The following HDAC9 variants were observed in gnomAD, a reference collection of about 807,000 sequenced individuals.
The protein encoded by HDAC9 is histone deacetylase 9.
In HDAC9, 41 loss-of-function variants were observed where a neutral mutation model predicts 139.4. The ratio of observed to expected loss-of-function variants is 0.29; its 90% CI spans 0.23 to 0.38. HDAC9 has a LOEUF of 0.38. Among genes scored for constraint, HDAC9 ranks in the 10% least tolerant of loss-of-function variants. The pLI is 1.00. For synonymous variants in HDAC9, 517 were observed against 476.2 expected, an observed-to-expected ratio of 1.09 and a Z score of -1.12; for missense variants, 1,147 against 1,297.0, an observed-to-expected ratio of 0.88 and a Z score of 1.78.
chr7:18,435,905 A>G (rs1193124667), intron 1 of HDAC9, among the ~76,000 whole-genome samples: 4 of 148,282 alleles, frequency 2.7e-5, no homozygotes, highest in Non-Finnish European at 6.0e-5. Context: ...ATATAATAAA[A>G]TATATAATAT....
intron 1 of HDAC9, among the ~76,000 whole-genome samples, chr7:18,356,358 GTTTTTTTTTT>G (rs5882659): frequency 2.0e-4 from 11 of 55,140 alleles, no homozygotes; most frequent in South Asian, 9.1e-4. Flanking sequence ...CAGCACATAG[GTTTTTTTTTT>G]TTTTTTTTTT....
chr7:18,521,504 A>G (rs571341945), intron 2 of HDAC9, among the ~76,000 whole-genome samples: 2 of 152,328 alleles, frequency 1.3e-5, no homozygotes, highest in African/African-American at 4.8e-5. Flanking sequence ...CATGAATAAA[A>G]TAAGCAAAAT....
At chr7:18,168,879 GTTTTTTT>G (rs112502543) in intron 2 of HDAC9, among the ~76,000 whole-genome samples, 24 of 80,882 alleles carry the variant, frequency 3.0e-4, no homozygotes, top group African/African-American at 9.6e-4. Context: ...CAAATGTCTT[GTTTTTTT>G]TTTTTTTTTT....
intron 2 of HDAC9, among the ~76,000 whole-genome samples, chr7:18,560,102 A>G (rs1216728052): frequency 6.6e-6 from 1 of 152,114 alleles, no homozygotes; most frequent in East Asian, 1.9e-4. Context: ...TATTTTTAAG[A>G]TTCTTATTTC....
At chr7:18,110,685 C>A (rs1783555015) in intron 1 of HDAC9, among the ~76,000 whole-genome samples, 1 of 152,056 alleles carries the variant, frequency 6.6e-6, no homozygotes, top group Admixed American at 6.6e-5. Flanking sequence ...CAGAGATGGC[C>A]ATAGTCACAA....
intron 2 of HDAC9, among the ~76,000 whole-genome samples, chr7:18,168,895 TTTTG>T (rs1200305154): frequency 1.7e-5 from 2 of 118,096 alleles, no homozygotes; most frequent in Admixed American, 8.7e-5. Flanking sequence ...TTTTTTTTTT[TTTTG>T]TGTGTGTGTG....
intron 1 of HDAC9, among the ~76,000 whole-genome samples, chr7:18,303,423 G>GTGTT (rs1562856311): frequency 3.6e-5 from 4 of 110,874 alleles, no homozygotes; most frequent in East Asian, 2.1e-4. Flanking sequence ...GTGTGTGTGT[G>GTGTT]TTTTTAGTAG....
intron 2 of HDAC9, among the ~76,000 whole-genome samples, chr7:18,243,008 A>G (rs1794290418): frequency 6.7e-6 from 1 of 150,176 alleles, no homozygotes; most frequent in African/African-American, 2.5e-5. Flanking sequence ...CTATTTGCAT[A>G]TGAAAAGATG....
chr7:18,912,201 G>C (rs553835217), intron 22 of HDAC9, among the ~76,000 whole-genome samples: 33 of 152,020 alleles, frequency 2.2e-4, no homozygotes, highest in African/African-American at 7.7e-4. Context: ...AAATACTCTT[G>C]CTCAATTCAT....
chr7:18,105,582 A>G (rs1030534356), intron 1 of HDAC9, among the ~76,000 whole-genome samples: 3 of 143,476 alleles, frequency 2.1e-5, no homozygotes, highest in Non-Finnish European at 4.6e-5. Flanking sequence ...TGCTTTCTAG[A>G]TGTGGATTTC....
chr7:18,374,158 T>C (rs1784801919), intron 1 of HDAC9, among the ~76,000 whole-genome samples: 1 of 151,512 alleles, frequency 6.6e-6, no homozygotes, highest in Non-Finnish European at 1.5e-5. Context: ...ATATACTAGA[T>C]ATATGTAGTA....
At chr7:18,734,371 C>T (rs1444678324) in intron 13 of HDAC9, among the ~76,000 whole-genome samples, 3 of 152,096 alleles carry the variant, frequency 2.0e-5, no homozygotes, top group Admixed American at 6.5e-5. Flanking sequence ...TAATGCTACC[C>T]CTCCCCCAGC....
intron 6 of HDAC9, 134 bp downstream of exon 6, chr7:18,594,163 A>C (rs1384401825): frequency 9.0e-6 from 7 of 779,836 alleles, no homozygotes; most frequent in Admixed American, 5.1e-5. Context: ...CCCCCAGCAT[A>C]AGCAAACAAT....
intron 2 of HDAC9, among the ~76,000 whole-genome samples, chr7:18,552,405 G>A (rs1275043587): frequency 2.0e-5 from 3 of 151,680 alleles, no homozygotes; most frequent in South Asian, 4.2e-4. Context: ...TAATGAGTAG[G>A]CTTTACAGTA....
At chr7:18,987,503 A>G (rs1377796575) in intron 25 of HDAC9, among the ~76,000 whole-genome samples, 2 of 152,218 alleles carry the variant, frequency 1.3e-5, no homozygotes, top group African/African-American at 4.8e-5. Context: ...ATCAATGTTC[A>G]TCAAGGCTAT....
At chr7:18,622,284 T>C (rs1378193901) in intron 6 of HDAC9, among the ~76,000 whole-genome samples, 3 of 152,194 alleles carry the variant, frequency 2.0e-5, no homozygotes, top group Non-Finnish European at 4.4e-5. Flanking sequence ...GGTGGAATCA[T>C]TGTATATCCC....
At chr7:18,736,705 T>G (rs1786939296) in intron 13 of HDAC9, among the ~76,000 whole-genome samples, 1 of 152,190 alleles carries the variant, frequency 6.6e-6, no homozygotes, top group Admixed American at 6.5e-5. Context: ...CTTTTTTTGT[T>G]GTGTCTCTGC....
intron 1 of HDAC9, among the ~76,000 whole-genome samples, chr7:18,295,406 A>G (rs555089280): frequency 5.9e-5 from 9 of 152,306 alleles, no homozygotes; most frequent in Non-Finnish European, 1.3e-4. Flanking sequence ...CATAAAGTAA[A>G]CAGGCAGAAA....
Position 18,886,289 on chromosome 7 carries a change from T to G in HDAC9, c.2803+11693T>G, listed in dbSNP as rs552652503. Among the ~76,000 whole-genome samples the G allele has an allele frequency of 2.0e-5, 3 of 152,278 alleles. No homozygotes were observed. The South Asian group carries it at 6.2e-4, about 32-fold the overall frequency. ...GTTACTGATGTCATGAAACAATCCT[T>G]AGGCTAGGATGACTGCTGCTTAACT... On this transcript the variant is annotated intron_variant, in intron 22 of 25. Coordinates refer to ENST00000686413, the MANE Select transcript of HDAC9 (RefSeq NM_178425.4).
Sources: allele counts gnomAD v4.1 joint callset (sites outside exome capture counted in the v4.1 genomes callset), GRCh38; gene constraint gnomAD v4.1.1; transcripts MANE v1.5; gene names NCBI Gene and HGNC (gene_info 2026-07-23, HGNC 2026-07-21).